Variants in LY96 observed in about 807,000 individuals in gnomAD.
The protein encoded by LY96 is lymphocyte antigen 96, also known as myeloid differentiation protein-2.
In LY96, 18 loss-of-function variants were observed where a neutral mutation model predicts 18.9. The ratio of observed to expected loss-of-function variants is 0.95; its 90% CI spans 0.66 to 1.41. LY96 has a LOEUF of 1.41. LY96 is among the 40% of genes most tolerant of loss of function. The pLI, the probability that LY96 is intolerant of heterozygous loss-of-function variation, is 0.00. For missense variants in LY96, 175 were observed against 182.4 expected (o/e 0.96, Z 0.23); for synonymous variants, 66 against 62.6 (o/e 1.06, Z -0.26).
chr8:74,000,886 G>A (rs1037755711), intron 1 of LY96, among the ~76,000 whole-genome samples: 2 of 152,154 alleles, frequency 1.3e-5, no homozygotes, highest in African/African-American at 4.8e-5. Flanking sequence ...CACTTGTCAG[G>A]GGTGGGGAAG....
At chr8:74,034,437 T>C in the LY96 span, among the ~76,000 whole-genome samples, 1 of 152,110 alleles carries the variant, frequency 6.6e-6, no homozygotes, top group Non-Finnish European at 1.5e-5. Context: ...CAAAGAAGTG[T>C]AACACTTTTT....
At chr8:74,082,812 A>G in the LY96 span, among the ~76,000 whole-genome samples, 1 of 152,154 alleles carries the variant, frequency 6.6e-6, no homozygotes, top group Non-Finnish European at 1.5e-5. Flanking sequence ...GAATGATAAT[A>G]AGCTAGGGGG....
At chr8:73,998,843 T>C (rs1202481426) in intron 1 of LY96, among the ~76,000 whole-genome samples, 1 of 152,254 alleles carries the variant, frequency 6.6e-6, no homozygotes, top group African/African-American at 2.4e-5. Context: ...CCTGTTAATG[T>C]CTTTGATCAA....
chr8:74,072,557 T>C, the LY96 span, among the ~76,000 whole-genome samples: 1 of 152,244 alleles, frequency 6.6e-6, no homozygotes, highest in East Asian at 1.9e-4. Flanking sequence ...ACCTTCAGGA[T>C]TTCTTTCTTT....
At chr8:74,067,177 C>G in the LY96 span, among the ~76,000 whole-genome samples, 407 of 152,312 alleles carry the variant, frequency 2.7e-3, 1 homozygote, top group African/African-American at 9.4e-3. Context: ...GTGTGCATGA[C>G]AGCCCTCCCT....
At chr8:74,009,930 C>T (rs923438552) in intron 2 of LY96, 71 bp from the exon 3 acceptor site, 2 of 1,128,742 alleles carry the variant, frequency 1.8e-6, no homozygotes, top group African/African-American at 1.5e-5. Flanking sequence ...TTTAACTATA[C>T]AATAAATGTT....
intron 1 of LY96, among the ~76,000 whole-genome samples, chr8:73,997,467 A>T (rs1184289293): frequency 1.3e-5 from 2 of 152,202 alleles, no homozygotes; most frequent in African/African-American, 4.8e-5. Flanking sequence ...CAAAATGAAA[A>T]TAAGTTAGAT....
chr8:74,098,465 T>C, the LY96 span, among the ~76,000 whole-genome samples: 1 of 152,170 alleles, frequency 6.6e-6, no homozygotes, highest in Non-Finnish European at 1.5e-5. Flanking sequence ...AACCTCCGCC[T>C]CCTGGGCTCA....
At chr8:74,011,257 A>G (rs1199349714) in intron 3 of LY96, among the ~76,000 whole-genome samples, 1 of 152,250 alleles carries the variant, frequency 6.6e-6, no homozygotes, top group Non-Finnish European at 1.5e-5. Flanking sequence ...CAACTTAAGC[A>G]TAAGATCTGC....
chr8:74,012,371 A>C (rs1473422794), intron 3 of LY96, among the ~76,000 whole-genome samples: 1 of 152,206 alleles, frequency 6.6e-6, no homozygotes, highest in African/African-American at 2.4e-5. Flanking sequence ...AAATGAAATC[A>C]TGTATTTTTC....
chr8:74,032,381 C>T (rs926157714), downstream of LY96, among the ~76,000 whole-genome samples: 23 of 152,230 alleles, frequency 1.5e-4, no homozygotes, highest in Admixed American at 1.2e-3. Context: ...CGGCGTGCTG[C>T]GCCCTGGGCC....
intron 1 of LY96, among the ~76,000 whole-genome samples, chr8:74,002,089 TTCTTTCTC>T (rs1465622326): frequency 0.026 from 650 of 25,058 alleles, 135 homozygotes; most frequent in South Asian, 0.035. Context: ...CTTTCTTTCT[TTCTTTCTC>T]TCTCTCTCTC....
At chr8:74,054,634 T>A in the LY96 span, among the ~76,000 whole-genome samples, 1 of 125,434 alleles carries the variant, frequency 8.0e-6, no homozygotes, top group Non-Finnish European at 1.6e-5. Flanking sequence ...CTTTCTTTCT[T>A]TCTTTCTTTC....
At position 74,010,032 on chromosome 8, in the gene LY96, C is replaced by T; in HGVS notation, c.234C>T (p.Leu78=). The T allele has an allele frequency of 1.2e-6, 2 of 1,605,932 alleles. No homozygotes were observed. Among genetic ancestry groups the T allele is most frequent in the Non-Finnish European group, 1.7e-6 (2 of 1,172,808 alleles). Residue 78 remains leucine (L), a synonymous_variant, in exon 3 of 5, where the codon CTC becomes CTT. Transcript: ENST00000284818. The part of the protein sequence containing the change: ...RRDLKQLYFN[L]YITVNTMNLP... ...ATTTAAAGCAATTATATTTCAATCT[C>T]TATATAACTGTCAACACCATGAATC...
chr8:74,076,760 A>C, the LY96 span, among the ~76,000 whole-genome samples: 10 of 152,132 alleles, frequency 6.6e-5, no homozygotes, highest in African/African-American at 2.2e-4. Context: ...CTGACACTAC[A>C]TGTGTGGGTT....
the LY96 span, among the ~76,000 whole-genome samples, chr8:74,051,436 G>A: frequency 6.6e-6 from 1 of 152,130 alleles, no homozygotes; most frequent in Non-Finnish European, 1.5e-5. Flanking sequence ...TTTGACTGTA[G>A]GTAGGTTCTC....
intron 2 of LY96, among the ~76,000 whole-genome samples, chr8:74,009,569 A>T (rs1816487293): frequency 6.6e-6 from 1 of 152,132 alleles, no homozygotes. Flanking sequence ...TTAATTTTTC[A>T]TCAAAAGATT....
At chr8:74,042,206 C>A in the LY96 span, among the ~76,000 whole-genome samples, 1 of 152,132 alleles carries the variant, frequency 6.6e-6, no homozygotes, top group Non-Finnish European at 1.5e-5. Context: ...TACTGTGTAC[C>A]TTTCTAGTCA....
downstream of LY96, among the ~76,000 whole-genome samples, chr8:74,033,599 C>T (rs1395979603): frequency 6.6e-6 from 1 of 152,154 alleles, no homozygotes; most frequent in Non-Finnish European, 1.5e-5. Flanking sequence ...TTCTGCAGTG[C>T]CTGATAGACA....
Sources: gnomAD v4.1 joint callset for allele counts (sites outside exome capture counted in the v4.1 genomes callset) on GRCh38, gnomAD v4.1.1 for gene constraint, MANE v1.5 for transcripts, NCBI Gene and HGNC (gene_info 2026-07-23, HGNC 2026-07-21) for gene names.